SYT7: variants seen among roughly 807,000 people sequenced by gnomAD.
SYT7 encodes the protein synaptotagmin 7, also known as synaptotagmin-7.
SYT7 carries 29 observed loss-of-function variants against 75.1 expected under a neutral mutation model. That is an observed-to-expected ratio of 0.39 (90% confidence interval 0.29 to 0.53). SYT7 has a LOEUF of 0.53. SYT7 is among the 20% of genes least tolerant of loss of function. The pLI, the probability that SYT7 is intolerant of heterozygous loss-of-function variation, is 0.77. For missense variants in SYT7, 693 were observed against 953.2 expected (o/e 0.73, Z 3.59); for synonymous variants, 376 against 401.7 (o/e 0.94, Z 0.76).
At chr11:61,538,387 G>GAGAA (rs1555006877) in intron 6 of SYT7, 121 bp from the exon 7 acceptor site, 1 of 795,736 alleles carries the variant, frequency 1.3e-6, no homozygotes, top group Non-Finnish European at 1.8e-6. Flanking sequence ...GAGAGAGAGA[G>GAGAA]AAAGAGAGAG....
At position 61,523,407 on chromosome 11, in the gene SYT7, C is replaced by A; in HGVS notation, c.1757-133G>T. The A allele has an allele frequency of 2.4e-6, 2 of 836,282 alleles. No individual in the cohort carries two copies. Among genetic ancestry groups the A allele is most frequent in the Non-Finnish European group, 3.8e-6 (2 of 523,196 alleles). 51.8% of individuals were successfully genotyped at this position (836,282 alleles called of 1,614,324 possible). ...CCCCAGAGGCAAGGAAAGACCCAGG[C>A]AAGAACAAGAGGGACCTGGGAGAAT... is the stretch of plus-strand genomic sequence containing the variant. On this transcript the variant is annotated intron_variant, in intron 11 of 12. Coordinates refer to ENST00000539008, the MANE Select transcript of SYT7 (RefSeq NM_001365809.2). The surrounding 1 kb of genome is among the most constrained non-coding windows in gnomAD (Gnocchi z 5.0).
rs1467908747 is a variant in SYT7, at chr11:61,576,439, G to A, written c.31+4351C>T. 5.9e-5 allele frequency among the ~76,000 whole-genome samples: 9 copies of A among 152,314 alleles called. No individual in the cohort carries two copies. Among genetic ancestry groups the A allele is most frequent in the Non-Finnish European group, 1.2e-4 (8 of 68,022 alleles). On this transcript the variant is annotated intron_variant, in intron 1 of 12. Coordinates refer to ENST00000539008, the MANE Select transcript of SYT7 (RefSeq NM_001365809.2). The surrounding 1 kb of genome is among the most constrained non-coding windows in gnomAD (Gnocchi z 4.1). ...CCACATATGCCACCTGCCGGGCACT[G>A]TCTGTGGAGCAGAGGACCAGCTCTA...
intron 1 of SYT7, among the ~76,000 whole-genome samples, chr11:61,575,852 A>G (rs1374274090): frequency 6.6e-6 from 1 of 152,200 alleles, no homozygotes; most frequent in Non-Finnish European, 1.5e-5. Flanking sequence ...CACACACACT[A>G]GGTACACATA....
intron 8 of SYT7, among the ~76,000 whole-genome samples, chr11:61,529,307 G>A (rs982152734): frequency 6.6e-6 from 1 of 152,204 alleles, no homozygotes; most frequent in Admixed American, 6.5e-5. Context: ...GGCAGCCCTA[G>A]GCTCTGAAAG....
intron 8 of SYT7, among the ~76,000 whole-genome samples, chr11:61,529,312 T>G (rs903451737): frequency 2.6e-5 from 4 of 152,220 alleles, no homozygotes; most frequent in Non-Finnish European, 4.4e-5. Context: ...CCCTAGGCTC[T>G]GAAAGACTAA....
chr11:61,548,910 C>A (rs1304171342), intron 3 of SYT7, among the ~76,000 whole-genome samples: 1 of 152,146 alleles, frequency 6.6e-6, no homozygotes, highest in East Asian at 1.9e-4. Context: ...ACTCTGTGTA[C>A]AGGGTTCAAA....
intron 12 of SYT7, 49 bp from the exon 13 acceptor site, chr11:61,518,780 G>A: frequency 7.3e-7 from 1 of 1,367,994 alleles, no homozygotes; most frequent in Non-Finnish European, 9.9e-7. Flanking sequence ...CCAGGGCACT[G>A]GCCCTTTCCC....
chr11:61,519,977 C>T (rs553163149), intron 12 of SYT7, among the ~76,000 whole-genome samples: 2 of 151,926 alleles, frequency 1.3e-5, no homozygotes, highest in Non-Finnish European at 2.9e-5. Context: ...CCCGCCACCA[C>T]GCCCGGCTAA....
upstream of SYT7, among the ~76,000 whole-genome samples, chr11:61,585,718 C>T (rs1278671653): frequency 6.6e-6 from 1 of 152,160 alleles, no homozygotes; most frequent in African/African-American, 2.4e-5. Flanking sequence ...TACCAGATCT[C>T]AGAGGCCCAC....
chr11:61,552,347 G>A (rs536418418), intron 2 of SYT7, among the ~76,000 whole-genome samples: 1 of 152,070 alleles, frequency 6.6e-6, no homozygotes, highest in Non-Finnish European at 1.5e-5. Context: ...CCTGGGCCAG[G>A]TCCAGGGCTG....
chr11:61,532,218 T>C (rs1300969920), intron 8 of SYT7, among the ~76,000 whole-genome samples: 1 of 152,126 alleles, frequency 6.6e-6, no homozygotes, highest in Non-Finnish European at 1.5e-5. Flanking sequence ...AGGTGCTGGG[T>C]TCCCAGCCTC....
At chr11:61,567,357 T>A (rs1202771397) in intron 1 of SYT7, among the ~76,000 whole-genome samples, 1 of 146,368 alleles carries the variant, frequency 6.8e-6, no homozygotes, top group East Asian at 1.9e-4. Flanking sequence ...CCCAGAGCTG[T>A]CCAAGGTGCT....
At chr11:61,532,698 A>G (rs757276265) in intron 8 of SYT7, among the ~76,000 whole-genome samples, 4 of 152,128 alleles carry the variant, frequency 2.6e-5, no homozygotes, top group Non-Finnish European at 5.9e-5. Flanking sequence ...TCAATCCACA[A>G]AGGGATCCAA....
At chr11:61,534,139 G>T (rs1418677969) in intron 7 of SYT7, among the ~76,000 whole-genome samples, 1 of 152,218 alleles carries the variant, frequency 6.6e-6, no homozygotes, top group Non-Finnish European at 1.5e-5. Flanking sequence ...TAGGGAGGAG[G>T]AGACGGGGGA....
chr11:61,529,172 G>A (rs1220448181), intron 8 of SYT7, among the ~76,000 whole-genome samples: 2 of 152,176 alleles, frequency 1.3e-5, no homozygotes, highest in Non-Finnish European at 2.9e-5. Flanking sequence ...AATCTCCCGT[G>A]ATGACTGGAT....
chr11:61,570,853 T>C (rs1590949158), intron 1 of SYT7, among the ~76,000 whole-genome samples: 1 of 152,314 alleles, frequency 6.6e-6, no homozygotes, highest in East Asian at 1.9e-4. Context: ...TCTCTGGGCC[T>C]TCATGTTCCC....
chr11:61,562,076 G>A (rs1004765014), intron 1 of SYT7, among the ~76,000 whole-genome samples: 16 of 151,380 alleles, frequency 1.1e-4, no homozygotes, highest in African/African-American at 3.7e-4. Flanking sequence ...ACGCACGCAC[G>A]TACACACACA....
intron 1 of SYT7, among the ~76,000 whole-genome samples, chr11:61,572,672 A>G (rs2135433771): frequency 6.6e-6 from 1 of 152,282 alleles, no homozygotes; most frequent in Non-Finnish European, 1.5e-5. Context: ...CCCACCAGGC[A>G]CCACTGGGAG....
chr11:61,562,745 G>A (rs1317204616), intron 1 of SYT7, among the ~76,000 whole-genome samples: 1 of 152,152 alleles, frequency 6.6e-6, no homozygotes, highest in Non-Finnish European at 1.5e-5. Context: ...CTAAGGCATG[G>A]GGACATGGGA....
Sources: gnomAD v4.1 joint callset for allele counts (sites outside exome capture counted in the v4.1 genomes callset) on GRCh38, gnomAD v4.1.1 for gene constraint, Gnocchi (gnomAD v3.1) non-coding constraint, MANE v1.5 for transcripts, NCBI Gene and HGNC (gene_info 2026-07-23, HGNC 2026-07-21) for gene names.